The following RHPN2 variants were observed in gnomAD, a reference collection of about 807,000 sequenced individuals.
RHPN2 encodes the protein rhophilin Rho GTPase binding protein 2, also known as rhophilin-2.
Under a neutral mutation model 79.0 loss-of-function variants are expected in RHPN2, and 40 were observed. That is an observed-to-expected ratio of 0.51 (90% confidence interval 0.39 to 0.66). RHPN2 has a LOEUF of 0.66. Ranked by LOEUF, RHPN2 falls within the 30% of genes least tolerant of loss-of-function variation. The pLI, the probability that RHPN2 is intolerant of heterozygous loss-of-function variation, is 0.00. For synonymous variants in RHPN2, 285 were observed against 363.5 expected (o/e 0.78, Z 2.46); for missense variants, 686 against 883.5 (o/e 0.78, Z 2.83).
Position 32,979,747 on chromosome 19 carries a change from TTACAA to T in RHPN2, c.*244_*248del. ...TTTCATATCTTCAACACTATTCTATTTACAATACTTTATATAATAAATAACTTACA... is the reference window on the plus strand; with the variant it reads ...TTTCATATCTTCAACACTATTCTATTTACTTTATATAATAAATAACTTACA... On this transcript the variant is annotated 3_prime_UTR_variant, in exon 15 of 15. Coordinates refer to ENST00000254260, the MANE Select transcript of RHPN2 (RefSeq NM_033103.5). 1 of 505,936 alleles carries T rather than the reference TTACAA, an allele frequency of 2.0e-6. No homozygotes were observed. The highest frequency in any genetic ancestry group is 1.9e-5 in the African/African-American group (1 of 52,256). The allele number at this position is 505,936 out of a possible 1,614,324, so 31.3% of individuals were successfully genotyped here. A position where few individuals can be genotyped will look rare whatever the true frequency, so the allele number is the denominator to read the frequency against.
intron 7 of RHPN2, 86 bp from the exon 8 acceptor site, chr19:33,003,086 C>A (rs180837119): frequency 1.6e-6 from 2 of 1,244,142 alleles, no homozygotes; most frequent in South Asian, 1.3e-5. Context: ...AGGCCGAGTG[C>A]GGTGGCTCAT....
intron 2 of RHPN2, among the ~76,000 whole-genome samples, chr19:33,035,882 C>T (rs1388102627): frequency 1.3e-5 from 2 of 152,132 alleles, no homozygotes; most frequent in East Asian, 3.9e-4. Context: ...TTTGGGAGGC[C>T]GAGGTGGGCA....
intron 1 of RHPN2, among the ~76,000 whole-genome samples, chr19:33,060,719 G>A (rs1297231494): frequency 3.3e-5 from 5 of 152,114 alleles, no homozygotes; most frequent in African/African-American, 1.2e-4. Context: ...TTCTTATAGA[G>A]ATGGGGTCTT....
chr19:33,050,806 G>A (rs1225686934), intron 1 of RHPN2, among the ~76,000 whole-genome samples: 2 of 152,072 alleles, frequency 1.3e-5, no homozygotes, highest in Non-Finnish European at 2.9e-5. Flanking sequence ...AGCCTCCTGA[G>A]TAGCTAGAAT....
At chr19:33,019,101 T>C (rs1312782415) in intron 4 of RHPN2, among the ~76,000 whole-genome samples, 2 of 151,886 alleles carry the variant, frequency 1.3e-5, no homozygotes, top group Non-Finnish European at 2.9e-5. Context: ...GATGTTTTCT[T>C]TTCTAAACTA....
intron 1 of RHPN2, among the ~76,000 whole-genome samples, chr19:33,046,034 G>A (rs554358703): frequency 2.0e-5 from 3 of 152,206 alleles, no homozygotes; most frequent in South Asian, 2.1e-4. Flanking sequence ...AACTTTGTCC[G>A]TTTTTGTCCC....
intron 1 of RHPN2, among the ~76,000 whole-genome samples, chr19:33,064,055 G>A (rs965053841): frequency 6.6e-6 from 1 of 152,164 alleles, no homozygotes; most frequent in African/African-American, 2.4e-5. Flanking sequence ...GGCAAAAAGA[G>A]ACCGCCGGCC....
intron 2 of RHPN2, among the ~76,000 whole-genome samples, chr19:33,033,811 G>A (rs897953214): frequency 6.6e-6 from 1 of 151,926 alleles, no homozygotes; most frequent in Non-Finnish European, 1.5e-5. Context: ...AGGTTGCGGT[G>A]AGCCGAGATC....
chr19:33,020,276 T>C (rs1971912462), intron 4 of RHPN2, among the ~76,000 whole-genome samples: 2 of 152,022 alleles, frequency 1.3e-5, no homozygotes, highest in Non-Finnish European at 2.9e-5. Flanking sequence ...TTGATTTCCT[T>C]TGAAATTGCA....
chr19:33,005,668 G>A (rs73581661), intron 7 of RHPN2, among the ~76,000 whole-genome samples: 242 of 149,496 alleles, frequency 1.6e-3, no homozygotes, highest in African/African-American at 5.7e-3. Flanking sequence ...TTTGAGCTGC[G>A]AGCTCCATGG....
In RHPN2 at chr19:32,996,094, C is replaced by T. The variant is rs374206352; in HGVS notation, c.1352G>A (p.Arg451Gln). Residue 451 changes from arginine to glutamine, a missense_variant, in exon 11 of 15, where the codon CGG becomes CAG. By Grantham distance (43) the Arg-to-Gln change is conservative. Transcript: ENST00000254260. ...CTCCTGGTGCTGGGCGTACGTGAGCCGGGAGCGTTCCTGTGCGGCACACAG... is the reference window on the plus strand; with the variant it reads ...CTCCTGGTGCTGGGCGTACGTGAGCTGGGAGCGTTCCTGTGCGGCACACAG... ...KVLCAAQERS[R>Q]LTYAQHQEED... 3.8e-5 allele frequency: 61 copies of T among 1,614,016 alleles called. No homozygotes were observed. In the South Asian group the frequency reaches 4.3e-4, roughly 11 times the overall value.
intron 2 of RHPN2, among the ~76,000 whole-genome samples, chr19:33,031,675 C>T (rs554751675): frequency 7.3e-5 from 11 of 151,616 alleles, no homozygotes; most frequent in South Asian, 4.2e-4. Context: ...TGCACCATTG[C>T]GCCTGGCTAA....
At chr19:33,050,340 A>G (rs1339191176) in intron 1 of RHPN2, among the ~76,000 whole-genome samples, 1 of 152,166 alleles carries the variant, frequency 6.6e-6, no homozygotes, top group East Asian at 1.9e-4. Context: ...TGTACTTTTC[A>G]TTTACAGCAA....
intron 4 of RHPN2, 76 bp from the exon 5 acceptor site, chr19:33,012,800 T>C (rs1971845941): frequency 1.2e-6 from 1 of 809,084 alleles, no homozygotes; most frequent in Non-Finnish European, 2.2e-6. Context: ...ATATGTCAAT[T>C]GTGAACCCAT....
intron 1 of RHPN2, among the ~76,000 whole-genome samples, chr19:33,055,430 T>C (rs989618405): frequency 1.3e-5 from 2 of 151,782 alleles, no homozygotes; most frequent in African/African-American, 4.8e-5. Flanking sequence ...CACCAACCTT[T>C]ACTCTCCTCT....
chr19:33,012,208 G>GT, intron 5 of RHPN2, among the ~76,000 whole-genome samples: 1 of 151,848 alleles, frequency 6.6e-6, no homozygotes, highest in Admixed American at 6.6e-5. Flanking sequence ...TGCCTGGCTT[G>GT]TTTTTGTATT....
chr19:33,037,989 G>A (rs1275174514), intron 2 of RHPN2, among the ~76,000 whole-genome samples: 4 of 152,096 alleles, frequency 2.6e-5, no homozygotes, highest in Non-Finnish European at 5.9e-5. Context: ...GATTGCTTGA[G>A]CCCTGGAGTT....
At chr19:33,055,996 T>C (rs1463472458) in intron 1 of RHPN2, among the ~76,000 whole-genome samples, 1 of 151,946 alleles carries the variant, frequency 6.6e-6, no homozygotes, top group South Asian at 2.1e-4. Flanking sequence ...CACTGTGTAC[T>C]CACTCTCCTC....
intron 7 of RHPN2, 66 bp from the exon 8 acceptor site, chr19:33,003,066 G>A (rs761206764): frequency 1.4e-6 from 2 of 1,477,956 alleles, no homozygotes; most frequent in Non-Finnish European, 1.9e-6. Context: ...TTGCTATAGA[G>A]AAAGATAGGA....
Sources: allele counts gnomAD v4.1 joint callset (sites outside exome capture counted in the v4.1 genomes callset), GRCh38; gene constraint gnomAD v4.1.1; transcripts MANE v1.5; gene names NCBI Gene and HGNC (gene_info 2026-07-23, HGNC 2026-07-21).